Variants in CDV3 observed in about 807,000 individuals in gnomAD.
CDV3 encodes the protein protein CDV3 homolog.
Under a neutral mutation model 24.5 loss-of-function variants are expected in CDV3, and 14 were observed. The observed-to-expected ratio is 0.57, with a 90% CI of 0.38 to 0.89. The LOEUF (loss-of-function observed/expected upper bound fraction) is 0.89. Among genes scored for constraint, CDV3 ranks in the 40% least tolerant of loss-of-function variants. The pLI is 0.00. For synonymous variants in CDV3, 114 were observed against 114.1 expected, an observed-to-expected ratio of 1.00 and a Z score of 0.00; for missense variants, 304 against 310.2, an observed-to-expected ratio of 0.98 and a Z score of 0.15.
rs1933958501 is a variant in CDV3, at chr3:133,590,005, T to A, written c.*1959T>A. On this transcript the variant is annotated 3_prime_UTR_variant, in exon 5 of 5. Transcript: ENST00000264993. ...GTTATGTTACTGAAGAATGAACAGA[T>A]GAGTAAGTGGAGGTGTTATGTAAAG... 1.3e-5 allele frequency: 2 copies of A among 152,220 alleles called. No individual in the cohort carries two copies. The highest frequency in any genetic ancestry group is 1.3e-4 in the Admixed American group (2 of 15,278). 9.4% of individuals were successfully genotyped at this position (152,220 alleles called of 1,614,324 possible).
intron 1 of CDV3, 37 bp from the exon 2 acceptor site, chr3:133,575,002 A>T: frequency 7.7e-7 from 1 of 1,299,720 alleles, no homozygotes; most frequent in Non-Finnish European, 1.1e-6. Flanking sequence ...TATGTCTACA[A>T]ATAGCTTTAA....
Position 133,589,398 on chromosome 3 carries a change from C to T in CDV3, c.*1352C>T, listed in dbSNP as rs1933912378. Reference sequence around the variant, plus strand: ...TTTTTAATAATTATTGCTTAAAATACCTATTAATAGTTTTGGGTCATTTAA... The same window carrying T: ...TTTTTAATAATTATTGCTTAAAATATCTATTAATAGTTTTGGGTCATTTAA... On this transcript the variant is annotated 3_prime_UTR_variant, in exon 5 of 5. Coordinates refer to ENST00000264993, the MANE Select transcript of CDV3 (RefSeq NM_017548.5). The T allele has an allele frequency of 2.6e-5, 4 of 152,566 alleles. No homozygotes were observed. Among genetic ancestry groups the T allele is most frequent in the African/African-American group, 9.7e-5 (4 of 41,416 alleles). The allele number at this position is 152,566 out of a possible 1,614,324, so 9.5% of individuals were successfully genotyped here. A position where few individuals can be genotyped will look rare whatever the true frequency, so the allele number is the denominator to read the frequency against.
rs1208130017 is a variant in CDV3, at chr3:133,589,911, TAA to T, written c.*1871_*1872del. ...ACTTTTATTTGGGAATGAAAAACCTTAAAAAAATCTCTTCATCGTTGAACTGT... is the reference window on the plus strand; with the variant it reads ...ACTTTTATTTGGGAATGAAAAACCTTAAAAATCTCTTCATCGTTGAACTGT... On this transcript the variant is annotated 3_prime_UTR_variant, in exon 5 of 5. Coordinates refer to ENST00000264993, the MANE Select transcript of CDV3 (RefSeq NM_017548.5). 6.6e-6 allele frequency: 1 copy of T among 152,168 alleles called. No homozygotes were observed. 9.4% of individuals were successfully genotyped at this position (152,168 alleles called of 1,614,324 possible). A position where few individuals can be genotyped will look rare whatever the true frequency, so the allele number is the denominator to read the frequency against.
At chr3:133,581,903 G>A (rs184425325) in intron 2 of CDV3, among the ~76,000 whole-genome samples, 120 of 152,208 alleles carry the variant, frequency 7.9e-4, no homozygotes, top group African/African-American at 2.3e-3. Context: ...ACATGTTAAC[G>A]AAAAGGAAAA....
chr3:133,576,143 C>T (rs2074797160), intron 2 of CDV3, among the ~76,000 whole-genome samples: 1 of 152,146 alleles, frequency 6.6e-6, no homozygotes, highest in Non-Finnish European at 1.5e-5. Flanking sequence ...GAACACCTAC[C>T]ACAGCTAGGC....
Position 133,587,382 on chromosome 3 carries a change from C to T in CDV3, c.627-514C>T, listed in dbSNP as rs1933718822. 3.3e-6 allele frequency: 4 copies of T among 1,220,658 alleles called. 1 individual carries two copies. The highest frequency in any genetic ancestry group is 7.5e-5 in the South Asian group (2 of 26,510). The allele number at this position is 1,220,658 out of a possible 1,614,324, so 75.6% of individuals were successfully genotyped here. ...ATTTAAACCTCCACGTGGACTTGCTCCTCTGCTCTGTCTTAAAAAATGTGT... is the reference window on the plus strand; with the variant it reads ...ATTTAAACCTCCACGTGGACTTGCTTCTCTGCTCTGTCTTAAAAAATGTGT... On this transcript the variant is annotated intron_variant, in intron 4 of 4. Transcript: ENST00000264993.
At chr3:133,584,393 T>TA (rs1252796900) in intron 3 of CDV3, among the ~76,000 whole-genome samples, 1 of 152,208 alleles carries the variant, frequency 6.6e-6, no homozygotes, top group African/African-American at 2.4e-5. Flanking sequence ...AGATATAGAC[T>TA]AGTCGATTCC....
At position 133,587,645 on chromosome 3, in the gene CDV3, T is replaced by C. The variant is rs976258740; in HGVS notation, c.627-251T>C. ...AGCTTTTAACAGTTTTCTTCAAGTT[T>C]GTCCTGAAATAGGGTCACAGTTAAT... On this transcript the variant is annotated intron_variant, in intron 4 of 4. Coordinates refer to ENST00000264993, the MANE Select transcript of CDV3 (RefSeq NM_017548.5). 52 of 1,184,766 alleles carry C rather than the reference T, an allele frequency of 4.4e-5. No individual in the cohort carries two copies. The African/African-American group carries it at 7.7e-4, about 18-fold the overall frequency. 73.4% of individuals were successfully genotyped at this position (1,184,766 alleles called of 1,614,324 possible). A position where few individuals can be genotyped will look rare whatever the true frequency, so the allele number is the denominator to read the frequency against.
At position 133,589,911 on chromosome 3, in the gene CDV3, T is replaced by TA. The variant is rs1208130017; in HGVS notation, c.*1872dup. ...ACTTTTATTTGGGAATGAAAAACCTTAAAAAAATCTCTTCATCGTTGAACT... is the reference window on the plus strand; with the variant it reads ...ACTTTTATTTGGGAATGAAAAACCTTAAAAAAAATCTCTTCATCGTTGAACT... On this transcript the variant is annotated 3_prime_UTR_variant, in exon 5 of 5. Coordinates refer to ENST00000264993, the MANE Select transcript of CDV3 (RefSeq NM_017548.5). 3 of 152,168 alleles carry TA rather than the reference T, an allele frequency of 2.0e-5. No individual in the cohort carries two copies. The highest frequency in any genetic ancestry group is 6.5e-5 in the Admixed American group (1 of 15,280). The allele number at this position is 152,168 out of a possible 1,614,324, so 9.4% of individuals were successfully genotyped here. A position where few individuals can be genotyped will look rare whatever the true frequency, so the allele number is the denominator to read the frequency against.
rs778176078 is a variant in CDV3, at chr3:133,573,844, C to T, written c.-201C>T. 8.1e-5 allele frequency: 15 copies of T among 185,632 alleles called. No individual in the cohort carries two copies. The highest frequency in any genetic ancestry group is 1.5e-4 in the Non-Finnish European group (15 of 98,936). 11.5% of individuals were successfully genotyped at this position (185,632 alleles called of 1,614,324 possible). Reference sequence around the variant, plus strand: ...CGGGCGACAGCGGCGGCGCGCGAGCCCCCGGGCGGACCGTACCACCGCTCG... The same window carrying T: ...CGGGCGACAGCGGCGGCGCGCGAGCTCCCGGGCGGACCGTACCACCGCTCG... On this transcript the variant is annotated 5_prime_UTR_variant, in exon 1 of 5. Coordinates refer to ENST00000264993, the MANE Select transcript of CDV3 (RefSeq NM_017548.5).
intron 1 of CDV3, chr3:133,574,643 G>C: frequency 1.9e-6 from 2 of 1,030,102 alleles, no homozygotes; most frequent in Non-Finnish European, 2.3e-6. Flanking sequence ...CCAGTAGTTT[G>C]AGCTGAATTT....
rs550286285 is a variant in CDV3, at chr3:133,590,041, C to T, written c.*1995C>T. 1 of 152,230 alleles carries T rather than the reference C, an allele frequency of 6.6e-6. No homozygotes were observed. The highest frequency in any genetic ancestry group is 2.1e-4 in the South Asian group (1 of 4,822). The allele number at this position is 152,230 out of a possible 1,614,324, so 9.4% of individuals were successfully genotyped here. A position where few individuals can be genotyped will look rare whatever the true frequency, so the allele number is the denominator to read the frequency against. On this transcript the variant is annotated 3_prime_UTR_variant, in exon 5 of 5. Coordinates refer to ENST00000264993, the MANE Select transcript of CDV3 (RefSeq NM_017548.5). ...AGGTGTTATGTAAAGGCATATTGTA[C>T]TCGAAATCTGAAGACCTGCAGCAGA...
chr3:133,582,613 A>G (rs997368962), intron 2 of CDV3, among the ~76,000 whole-genome samples: 3 of 152,236 alleles, frequency 2.0e-5, no homozygotes, highest in East Asian at 1.9e-4. Flanking sequence ...GCAGAAGCCA[A>G]GAGAGGCTGT....
At position 133,576,916 on chromosome 3, in the gene CDV3, C is replaced by T. The variant is rs567589630; in HGVS notation, c.317+1801C>T. Among the ~76,000 whole-genome samples, 8 of 127,900 alleles carry T rather than the reference C, an allele frequency of 6.3e-5. No homozygotes were observed. In the East Asian group the frequency reaches 1.6e-3, roughly 25 times the overall value. The allele number at this position is 127,900 out of a possible 152,430, so 83.9% of individuals were successfully genotyped here. On this transcript the variant is annotated intron_variant, in intron 2 of 4. Transcript: ENST00000264993. ...AGGCTGGAGTGCAGTGGCAAAATCT[C>T]GGCTCACTGCAACCTCCGCCTTCTG...
At chr3:133,582,865 T>A (rs1933183662) in intron 2 of CDV3, among the ~76,000 whole-genome samples, 1 of 152,222 alleles carries the variant, frequency 6.6e-6, no homozygotes, top group Non-Finnish European at 1.5e-5. Context: ...GACGTTCGAT[T>A]TAGCCATTAT....
intron 4 of CDV3, chr3:133,587,471 C>A: frequency 8.8e-7 from 1 of 1,137,530 alleles, no homozygotes; most frequent in Non-Finnish European, 1.1e-6. Context: ...TAATCAGATC[C>A]ACTCCCACAA....
In CDV3 at chr3:133,576,973, G is replaced by A. The variant is rs2074839935; in HGVS notation, c.317+1858G>A. Among the ~76,000 whole-genome samples, 13 of 148,694 alleles carry A rather than the reference G, an allele frequency of 8.7e-5. No homozygotes were observed. In the South Asian group the frequency reaches 2.6e-3, roughly 29 times the overall value. On this transcript the variant is annotated intron_variant, in intron 2 of 4. Transcript: ENST00000264993. ...AGCGATTCTTCTGCCTCAGCCTCCC[G>A]AGTAGCTGGGATTACAGGCGCCCGC...
intron 3 of CDV3, among the ~76,000 whole-genome samples, chr3:133,586,362 C>T (rs1933597729): frequency 1.3e-5 from 2 of 152,220 alleles, no homozygotes; most frequent in Admixed American, 1.3e-4. Flanking sequence ...TCCCAAAGTG[C>T]TGGGATTACA....
At chr3:133,582,294 G>A (rs1405069755) in intron 2 of CDV3, among the ~76,000 whole-genome samples, 4 of 152,156 alleles carry the variant, frequency 2.6e-5, no homozygotes, top group South Asian at 2.1e-4. Flanking sequence ...GTAGCTAACC[G>A]GCATGTGTCA....
Sources: gnomAD v4.1 joint callset for allele counts (sites outside exome capture counted in the v4.1 genomes callset) on GRCh38, gnomAD v4.1.1 for gene constraint, MANE v1.5 for transcripts, NCBI Gene and HGNC (gene_info 2026-07-23, HGNC 2026-07-21) for gene names.